Variants in NLRC5 observed in about 807,000 individuals in gnomAD.
NLRC5 encodes the protein protein NLRC5.
NLRC5 carries 114 observed loss-of-function variants against 206.9 expected under a neutral mutation model. The ratio of observed to expected loss-of-function variants is 0.55; its 90% CI spans 0.47 to 0.64. The LOEUF (loss-of-function observed/expected upper bound fraction) is 0.64, where lower values mean the gene tolerates loss of function less well. Ranked by LOEUF, NLRC5 falls within the 30% of genes least tolerant of loss-of-function variation. The pLI is 0.00. For synonymous variants in NLRC5, 952 were observed against 962.8 expected (o/e 0.99, Z 0.21); for missense variants, 2,008 against 2,305.5 (o/e 0.87, Z 2.64).
At chr16:57,067,245 C>A in intron 34 of NLRC5, 142 bp from the exon 35 acceptor site, 1 of 726,738 alleles carries the variant, frequency 1.4e-6, no homozygotes, top group Non-Finnish European at 2.5e-6. Flanking sequence ...CCTAGCACTT[C>A]TCATAAGTGA....
chr16:57,043,446 G>A, intron 19 of NLRC5, 69 bp from the exon 20 acceptor site: 2 of 1,189,464 alleles, frequency 1.7e-6, no homozygotes, highest in Non-Finnish European at 1.3e-6. Context: ...CCCGCCCTGT[G>A]CCCTGACCAC....
intron 30 of NLRC5, 143 bp from the exon 31 acceptor site, chr16:57,061,305 A>G: frequency 1.5e-6 from 1 of 684,936 alleles, no homozygotes; most frequent in Non-Finnish European, 2.4e-6. Context: ...GGAGCTGCAT[A>G]TTTGGCCTCT....
In NLRC5 at chr16:57,042,458, C is replaced by T. The variant is rs528631306; in HGVS notation, c.3113+393C>T. 2.0e-5 allele frequency among the ~76,000 whole-genome samples: 3 copies of T among 152,090 alleles called. No homozygotes were observed. In the South Asian group the frequency reaches 6.2e-4, roughly 32 times the overall value. On this transcript the variant is annotated intron_variant, in intron 19 of 48. Coordinates refer to ENST00000688547, the MANE Select transcript of NLRC5 (RefSeq NM_001384950.1). ...TCAGGGTAGACAGGGAGGGTTTGTA[C>T]CAGAGAGGACACTCAAGCAGGGTGC...
At chr16:56,990,686 C>CG (rs1391683998) in intron 1 of NLRC5, 2 of 152,164 alleles carry the variant, frequency 1.3e-5, no homozygotes, top group Non-Finnish European at 2.9e-5. Flanking sequence ...CTCTAAAACC[C>CG]GGGGGTAGCA....
intron 46 of NLRC5, chr16:57,080,699 C>T (rs1405632096): frequency 2.3e-5 from 4 of 171,608 alleles, no homozygotes; most frequent in African/African-American, 4.8e-5. Context: ...TGGTTAGGCT[C>T]GTCTCAAACA....
intron 23 of NLRC5, 51 bp downstream of exon 23, chr16:57,047,679 G>T (rs1410103331): frequency 6.7e-7 from 1 of 1,495,640 alleles, no homozygotes; most frequent in South Asian, 1.2e-5. Context: ...GATCTGCCCA[G>T]TGACCTGGGA....
intron 45 of NLRC5, 103 bp downstream of exon 45, chr16:57,079,395 C>T: frequency 7.1e-7 from 1 of 1,418,344 alleles, no homozygotes; most frequent in South Asian, 1.2e-5. Flanking sequence ...GTGATAGAAG[C>T]CCCAGGGATG....
intron 1 of NLRC5, chr16:57,014,197 A>G (rs1344929934): frequency 5.6e-6 from 1 of 178,734 alleles, no homozygotes; most frequent in African/African-American, 2.4e-5. Context: ...GGAAAGAGAC[A>G]GCATATTGCT....
At chr16:57,010,373 TTTTAA>T (rs1191350243) in intron 1 of NLRC5, among the ~76,000 whole-genome samples, 1 of 152,098 alleles carries the variant, frequency 6.6e-6, no homozygotes, top group Non-Finnish European at 1.5e-5. Flanking sequence ...ATGAATAACT[TTTTAA>T]TTTTTTTGTT....
chr16:57,065,158 G>C (rs1347812761), intron 32 of NLRC5, 54 bp from the exon 33 acceptor site: 2 of 1,284,622 alleles, frequency 1.6e-6, no homozygotes, highest in African/African-American at 3.0e-5. Context: ...CATGTGTGCT[G>C]ATTGTCTGCT....
intron 17 of NLRC5, among the ~76,000 whole-genome samples, chr16:57,040,958 C>T (rs781194786): frequency 1.3e-5 from 2 of 152,144 alleles, no homozygotes; most frequent in Non-Finnish European, 2.9e-5. Flanking sequence ...CCCCACTCCC[C>T]TTAGCTCCCT....
intron 1 of NLRC5, 76 bp from the exon 2 acceptor site, chr16:57,016,998 G>C (rs571960415): frequency 1.3e-5 from 2 of 152,964 alleles, no homozygotes; most frequent in Non-Finnish European, 2.9e-5. Context: ...CAGGGGCAAG[G>C]GCTGGTGCCT....
intron 45 of NLRC5, 95 bp from the exon 46 acceptor site, chr16:57,079,451 C>T: frequency 2.2e-6 from 3 of 1,383,972 alleles, no homozygotes; most frequent in South Asian, 2.3e-5. Flanking sequence ...AAACGCCTAG[C>T]TTACCCCAGA....
chr16:57,033,738 G>A, intron 12 of NLRC5, 69 bp downstream of exon 12: 1 of 1,425,792 alleles, frequency 7.0e-7, no homozygotes. Context: ...GCAAGGGAGA[G>A]CAGGGGCAGG....
chr16:57,076,792 C>A (rs759916321), intron 39 of NLRC5, 27 bp from the exon 40 acceptor site: 2 of 1,610,736 alleles, frequency 1.2e-6, no homozygotes, highest in Non-Finnish European at 1.7e-6. Context: ...TCCTGAAAGC[C>A]TCTTGGTCTA....
At chr16:57,051,777 A>ATC (rs2064948045) in intron 24 of NLRC5, among the ~76,000 whole-genome samples, 156 bp downstream of exon 24, 1 of 114,336 alleles carries the variant, frequency 8.7e-6, no homozygotes, top group Non-Finnish European at 1.6e-5. Flanking sequence ...AGGTTGTTTT[A>ATC]TCATTTTACC....
chr16:57,039,117 T>C (rs2062968868), intron 15 of NLRC5, among the ~76,000 whole-genome samples: 1 of 152,070 alleles, frequency 6.6e-6, no homozygotes, highest in Non-Finnish European at 1.5e-5. Context: ...CACTAGAAAA[T>C]GGAAGGTTTG....
intron 16 of NLRC5, 25 bp downstream of exon 16, chr16:57,039,874 C>T (rs1300280575): frequency 6.3e-7 from 1 of 1,596,252 alleles, no homozygotes; most frequent in African/African-American, 1.3e-5. Context: ...CACCCCAACT[C>T]CATGCTCAGT....
intron 46 of NLRC5, chr16:57,080,676 G>C (rs2069023508): frequency 6.1e-6 from 1 of 162,734 alleles, no homozygotes; most frequent in Non-Finnish European, 1.3e-5. Flanking sequence ...GTAGAGACAG[G>C]ATTTCACCAT....
Sources: gnomAD v4.1 joint callset for allele counts (sites outside exome capture counted in the v4.1 genomes callset) on GRCh38, gnomAD v4.1.1 for gene constraint, MANE v1.5 for transcripts, NCBI Gene and HGNC (gene_info 2026-07-23, HGNC 2026-07-21) for gene names.